Variants in TSNAX observed in about 807,000 individuals in gnomAD.
TSNAX encodes the protein translin-associated protein X.
A neutral mutation model predicts 33.0 loss-of-function variants in TSNAX; 12 were observed. The ratio of observed to expected loss-of-function variants is 0.36; its 90% CI spans 0.23 to 0.59. TSNAX has a LOEUF of 0.59. TSNAX is among the 20% of genes least tolerant of loss of function. TSNAX has a pLI of 0.74. For synonymous variants in TSNAX, 110 were observed against 117.2 expected (o/e 0.94, Z 0.40); for missense variants, 267 against 341.3 (o/e 0.78, Z 1.72).
intron 4 of TSNAX, among the ~76,000 whole-genome samples, chr1:231,560,705 AC>A (rs1444894825): frequency 6.6e-6 from 1 of 152,154 alleles, no homozygotes; most frequent in African/African-American, 2.4e-5. Context: ...GGCGTGAGCC[AC>A]CGTGCCCGGC....
At chr1:231,537,183 T>C (rs1659238714) in intron 2 of TSNAX, 30 bp from the exon 3 acceptor site, 7 of 1,501,822 alleles carry the variant, frequency 4.7e-6, no homozygotes, top group Non-Finnish European at 5.5e-6. Flanking sequence ...GTATAGAATA[T>C]ACATGCTTAT....
Position 231,564,583 on chromosome 1 carries a change from C to T in TSNAX, c.551C>T (p.Pro184Leu), listed in dbSNP as rs766429793. The T allele has an allele frequency of 1.2e-6, 2 of 1,614,054 alleles. No individual in the cohort carries two copies. Among genetic ancestry groups the T allele is most frequent in the East Asian group, 2.2e-5 (1 of 44,886 alleles). ...QFGTWRLRVTPVDYLLGVADL... is the reference protein window; with the variant it reads ...QFGTWRLRVTLVDYLLGVADL... ...GGTACTTGGAGACTGAGAGTCACAC[C>T]TGTCGATTACCTTCTGGGAGTGGCT... Residue 184 changes from proline to leucine, a missense_variant, in exon 6 of 6, where the codon CCT becomes CTT. By Grantham distance (98) the Pro-to-Leu change is moderately conservative. Transcript: ENST00000366639.
Position 231,542,608 on chromosome 1 carries a change from A to G in TSNAX, c.364A>G (p.Thr122Ala), listed in dbSNP as rs778677444. The change falls in exon 4 of 6, where the codon ACA becomes GCA. Residue 122 changes from threonine (T) to alanine (A), a missense_variant. Coordinates refer to ENST00000366639, the MANE Select transcript of TSNAX (RefSeq NM_005999.3). ...GCATCAGTTCCATCGAGCCATTACT[A>G]CAGGTAAGTCTAGGTTTGTTTCAGG... ...DMHQFHRAIT[T>A]GLQEYVEAVS... The G allele has an allele frequency of 3.1e-6, 5 of 1,613,696 alleles. No individual in the cohort carries two copies. In the East Asian group the frequency reaches 1.1e-4, roughly 36 times the overall value.
Position 231,565,381 on chromosome 1 carries a change from T to C in TSNAX, c.*476T>C, listed in dbSNP as rs116367331. The C allele has an allele frequency of 0.02, 3,089 of 153,704 alleles. 104 individuals are homozygous for C. The highest frequency in any genetic ancestry group is 0.07 in the African/African-American group (2,924 of 41,538). 9.5% of individuals were successfully genotyped at this position (153,704 alleles called of 1,614,324 possible). On this transcript the variant is annotated 3_prime_UTR_variant, in exon 6 of 6. Transcript: ENST00000366639. ...TCGTGCCAAGCCTCAAAAATAGGCT[T>C]ATTCCATGGAACAAGAATTAAAAAT... is the stretch of plus-strand genomic sequence containing the variant.
intron 5 of TSNAX, among the ~76,000 whole-genome samples, chr1:231,562,174 AATT>A (rs1203407344): frequency 6.7e-5 from 10 of 148,274 alleles, no homozygotes; most frequent in African/African-American, 2.4e-4. Flanking sequence ...TTAAATATTA[AATT>A]ATTAAATTAT....
intron 3 of TSNAX, among the ~76,000 whole-genome samples, chr1:231,540,185 A>AC (rs1277079549): frequency 2.6e-5 from 4 of 151,280 alleles, no homozygotes; most frequent in Admixed American, 1.3e-4. Context: ...AAAAAAAAAA[A>AC]AAAAAAAAAA....
intron 4 of TSNAX, among the ~76,000 whole-genome samples, chr1:231,551,063 A>G (rs1361735003): frequency 2.0e-5 from 3 of 152,200 alleles, no homozygotes; most frequent in Admixed American, 6.5e-5. Flanking sequence ...AAATAAAAAT[A>G]TATTTAAAAT....
chr1:231,563,287 A>G (rs980198957), intron 5 of TSNAX, among the ~76,000 whole-genome samples: 40 of 152,240 alleles, frequency 2.6e-4, no homozygotes, highest in African/African-American at 9.6e-4. Flanking sequence ...TCTCTACCAG[A>G]AAGAATTCAG....
At chr1:231,532,882 T>C (rs1434871645) in intron 2 of TSNAX, among the ~76,000 whole-genome samples, 1 of 152,210 alleles carries the variant, frequency 6.6e-6, no homozygotes, top group Non-Finnish European at 1.5e-5. Context: ...TATTGCTTTC[T>C]TACATATAGA....
At chr1:231,535,919 TAA>T (rs1300822246) in intron 2 of TSNAX, 1 of 152,224 alleles carries the variant, frequency 6.6e-6, no homozygotes, top group African/African-American at 2.4e-5. Flanking sequence ...GGTTGAAGAT[TAA>T]TTCTATGTGG....
chr1:231,542,453 C>T, intron 3 of TSNAX, 28 bp from the exon 4 acceptor site: 3 of 1,610,430 alleles, frequency 1.9e-6, no homozygotes, highest in East Asian at 2.2e-5. Context: ...ATCTGATGTT[C>T]TAAAAGTTCC....
rs185455214 is a variant in TSNAX at position 231,550,100 on chromosome 1, C to G, written c.367+7489C>G. Among the ~76,000 whole-genome samples the G allele has an allele frequency of 4.2e-3, 634 of 152,326 alleles. 6 individuals carry two copies. The highest frequency in any genetic ancestry group is 0.014 in the African/African-American group (574 of 41,570). ...ACCAGTCATATTCGATAAAAGTACA[C>G]CTCAATGGACTAATTTTAACTTAAT... On this transcript the variant is annotated intron_variant, in intron 4 of 5. Coordinates refer to ENST00000366639, the MANE Select transcript of TSNAX (RefSeq NM_005999.3).
chr1:231,535,462 G>A (rs1659102719), intron 2 of TSNAX: 1 of 152,152 alleles, frequency 6.6e-6, no homozygotes, highest in Non-Finnish European at 1.5e-5. Context: ...TCTGATAGTG[G>A]TATAATGAAA....
chr1:231,543,013 C>T (rs79680716), intron 4 of TSNAX, among the ~76,000 whole-genome samples: 7,268 of 151,788 alleles, frequency 0.048, 203 homozygotes, highest in South Asian at 0.089. Flanking sequence ...CCCGACTCAA[C>T]TAAAAAATAC....
At chr1:231,558,398 T>A (rs945827341) in intron 4 of TSNAX, among the ~76,000 whole-genome samples, 6 of 152,168 alleles carry the variant, frequency 3.9e-5, no homozygotes, top group South Asian at 2.1e-4. Context: ...CTGACAAAGC[T>A]TAATATATTG....
In TSNAX at chr1:231,537,323, A is replaced by C; in HGVS notation, c.232A>C (p.Thr78Pro). 2 of 1,589,094 alleles carry C rather than the reference A, an allele frequency of 1.3e-6. No individual in the cohort carries two copies. Among genetic ancestry groups the C allele is most frequent in the South Asian group, 2.2e-5 (2 of 89,910 alleles). The stretch of plus-strand genomic sequence containing the variant: ...GACAATTTTTCTCCTCCATAGGATT[A>C]CAAGGTGAGTAAGCATCTTTAGAAT... ...KRTIFLLHRITSAPDMEDILT... is the reference protein window; with the variant it reads ...KRTIFLLHRIPSAPDMEDILT... Residue 78 changes from threonine to proline, a missense_variant, in exon 3 of 6, where the codon ACA (threonine) becomes CCA (proline). Around this residue, in one of 2 missense-constraint regions of TSNAX, gnomAD observed 200 missense variants for 214.1 expected, o/e 0.93. Transcript: ENST00000366639.
intron 3 of TSNAX, among the ~76,000 whole-genome samples, chr1:231,541,809 G>C (rs529331400): frequency 1.3e-5 from 2 of 152,278 alleles, no homozygotes; most frequent in South Asian, 2.1e-4. Context: ...TCCAGCCTTA[G>C]GTAGTTTCCT....
At chr1:231,563,729 G>A (rs1361450646) in intron 5 of TSNAX, 3 of 150,972 alleles carry the variant, frequency 2.0e-5, no homozygotes, top group South Asian at 4.2e-4. Flanking sequence ...AAATGACCAG[G>A]TCACTGAAAT....
chr1:231,554,579 C>T (rs1275773625), intron 4 of TSNAX: 2 of 152,030 alleles, frequency 1.3e-5, no homozygotes, highest in African/African-American at 4.8e-5. Context: ...ACGAGTGCCG[C>T]CTTGATTGGG....
Sources: gnomAD v4.1 joint callset for allele counts (sites outside exome capture counted in the v4.1 genomes callset) on GRCh38, gnomAD v4.1.1 for gene constraint, gnomAD v4.1.1 regional missense constraint, MANE v1.5 for transcripts, NCBI Gene and HGNC (gene_info 2026-07-23, HGNC 2026-07-21) for gene names.